The following EPS15 variants were observed in gnomAD, a reference collection of about 807,000 sequenced individuals.
The protein encoded by EPS15 is epidermal growth factor receptor pathway substrate 15.
Under a neutral mutation model 113.8 loss-of-function variants are expected in EPS15, and 72 were observed. The observed-to-expected ratio is 0.63, with a 90% CI of 0.52 to 0.77. The LOEUF (loss-of-function observed/expected upper bound fraction) is 0.77. Ranked by LOEUF, EPS15 falls within the 30% of genes least tolerant of loss-of-function variation. The pLI is 0.00. For synonymous variants in EPS15, 344 were observed against 363.4 expected (o/e 0.95, Z 0.61); for missense variants, 1,048 against 1,045.8 (o/e 1.00, Z -0.03).
chr1:51,485,141 C>T (rs1382638004), intron 1 of EPS15, among the ~76,000 whole-genome samples: 1 of 152,140 alleles, frequency 6.6e-6, no homozygotes, highest in Admixed American at 6.5e-5. Context: ...TCATGGAGCT[C>T]TAGTGACATC....
intron 2 of EPS15, among the ~76,000 whole-genome samples, chr1:51,476,330 A>G (rs1196126758): frequency 6.6e-6 from 1 of 152,200 alleles, no homozygotes; most frequent in Non-Finnish European, 1.5e-5. Flanking sequence ...CTTCCTATCC[A>G]TGAGTATGGA....
At chr1:51,516,089 C>T (rs72674578) in intron 1 of EPS15, among the ~76,000 whole-genome samples, 4,565 of 151,894 alleles carry the variant, frequency 0.03, 75 homozygotes, top group African/African-American at 0.05. Flanking sequence ...GGTTTTACTT[C>T]TCATTGACAA....
At chr1:51,360,066 C>T (rs930340764) in intron 24 of EPS15, among the ~76,000 whole-genome samples, 2 of 151,994 alleles carry the variant, frequency 1.3e-5, no homozygotes, top group East Asian at 1.9e-4. Context: ...AGATTACAGG[C>T]GTGAGCCACC....
At position 51,472,903 on chromosome 1, in the gene EPS15, C is replaced by G. The variant is rs939500721; in HGVS notation, c.121G>C (p.Ala41Pro). The G allele has an allele frequency of 3.7e-6, 6 of 1,613,544 alleles. No individual in the cohort carries two copies. The highest frequency in any genetic ancestry group is 5.1e-6 in the Non-Finnish European group (6 of 1,179,678). Residue 41 changes from alanine to proline, a missense_variant, in exon 3 of 25, where the codon GCT (alanine) becomes CCT (proline). Ala to Pro is a conservative substitution (Grantham distance 27). Transcript: ENST00000371733. ...TGRVLASDAA[A>P]FLKKSGLPDL... ...GGAAGCCCTGATTTTTTCAGGAAAG[C>G]AGCAGCATCAGAAGCCAACACCCTT...
chr1:51,403,903 C>T (rs1439629257), intron 16 of EPS15, among the ~76,000 whole-genome samples: 1 of 152,210 alleles, frequency 6.6e-6, no homozygotes, highest in Non-Finnish European at 1.5e-5. Flanking sequence ...TTTCCTGCCT[C>T]CAATACATGT....
At chr1:51,436,389 A>G (rs1402341697) in intron 12 of EPS15, among the ~76,000 whole-genome samples, 1 of 144,162 alleles carries the variant, frequency 6.9e-6, no homozygotes, top group Middle Eastern at 3.2e-3. Flanking sequence ...AAAGGCTAAA[A>G]CTAAGAAGGA....
At chr1:51,415,558 A>G (rs1234415841) in intron 13 of EPS15, among the ~76,000 whole-genome samples, 1 of 152,088 alleles carries the variant, frequency 6.6e-6, no homozygotes, top group Non-Finnish European at 1.5e-5. Flanking sequence ...GCACTTTGGG[A>G]GGCTGAGGCT....
At chr1:51,486,727 G>A (rs914021007) in intron 1 of EPS15, among the ~76,000 whole-genome samples, 1 of 151,800 alleles carries the variant, frequency 6.6e-6, no homozygotes, top group South Asian at 2.1e-4. Context: ...TACCCAGGCT[G>A]GAGTACAGTG....
intron 14 of EPS15, among the ~76,000 whole-genome samples, chr1:51,408,822 CAG>C (rs1450601804): frequency 7.9e-6 from 1 of 125,810 alleles, no homozygotes; most frequent in Non-Finnish European, 1.7e-5. Flanking sequence ...TTTTTTGAGA[CAG>C]AGTCTCGCTC....
chr1:51,414,886 T>C (rs1031383385), intron 13 of EPS15, among the ~76,000 whole-genome samples: 1 of 152,314 alleles, frequency 6.6e-6, no homozygotes, highest in South Asian at 2.1e-4. Flanking sequence ...TACATATTTG[T>C]AGAAAATACA....
rs1264417152 is a variant in EPS15 at position 51,432,444 on chromosome 1, A to C, written c.1040+7903T>G. Among the ~76,000 whole-genome samples, 6 of 152,152 alleles carry C rather than the reference A, an allele frequency of 3.9e-5. No homozygotes were observed. In the East Asian group the frequency reaches 7.7e-4, roughly 20 times the overall value. On this transcript the variant is annotated intron_variant, in intron 12 of 24. Transcript: ENST00000371733. ...TGGCCTCCCAAAGTCCTGGGATTAC[A>C]GATGTGAGCCACCATGCCCAGCCTA... is the stretch of plus-strand genomic sequence containing the variant.
chr1:51,431,384 C>G (rs551047538), intron 12 of EPS15, among the ~76,000 whole-genome samples: 2 of 151,974 alleles, frequency 1.3e-5, no homozygotes, highest in Non-Finnish European at 2.9e-5. Flanking sequence ...TATGACAAAG[C>G]ACACCCCCTT....
At chr1:51,486,441 A>G (rs1370402443) in intron 1 of EPS15, among the ~76,000 whole-genome samples, 1 of 151,666 alleles carries the variant, frequency 6.6e-6, no homozygotes, top group Non-Finnish European at 1.5e-5. Flanking sequence ...AAAAAAAAAA[A>G]AAAAAATTAG....
rs144261773 is a variant in EPS15, at chr1:51,503,081, A to G, written c.33+16118T>C. ...TTATCAATTTATTTGTTATAGCTTT[A>G]ACAAAAGTACAAGACTTACTATACT... is the stretch of plus-strand genomic sequence containing the variant. On this transcript the variant is annotated intron_variant, in intron 1 of 24. Transcript: ENST00000371733. Among the ~76,000 whole-genome samples, 52 of 152,258 alleles carry G rather than the reference A, an allele frequency of 3.4e-4. No individual in the cohort carries two copies. The East Asian group carries it at 9.6e-3, about 28-fold the overall frequency.
At chr1:51,471,094 G>A (rs1655204055) in intron 4 of EPS15, among the ~76,000 whole-genome samples, 1 of 152,154 alleles carries the variant, frequency 6.6e-6, no homozygotes, top group Non-Finnish European at 1.5e-5. Flanking sequence ...CGGGGGTGGG[G>A]AGGAAGCCTA....
At chr1:51,401,456 C>A (rs1648542206) in intron 18 of EPS15, among the ~76,000 whole-genome samples, 1 of 152,174 alleles carries the variant, frequency 6.6e-6, no homozygotes, top group African/African-American at 2.4e-5. Context: ...CTCTATCTCA[C>A]ATCATATACA....
chr1:51,515,625 T>A (rs1488029267), intron 1 of EPS15, among the ~76,000 whole-genome samples: 2 of 152,182 alleles, frequency 1.3e-5, no homozygotes, highest in Non-Finnish European at 2.9e-5. Flanking sequence ...AACACACAAT[T>A]GTATCATCCA....
At chr1:51,508,186 G>GAGAAAAGAAAAGAAAAGAAA (rs763482561) in intron 1 of EPS15, among the ~76,000 whole-genome samples, 1,893 of 81,032 alleles carry the variant, frequency 0.023, 61 homozygotes, top group Admixed American at 0.057. Flanking sequence ...GTCACAAAAA[G>GAGAAAAGAAAAGAAAAGAAA]AGAAAAGAAA....
intron 20 of EPS15, 52 bp downstream of exon 20, chr1:51,398,980 T>G: frequency 6.6e-7 from 1 of 1,519,900 alleles, no homozygotes; most frequent in Admixed American, 1.9e-5. Flanking sequence ...AGAAACTTGC[T>G]TAGGACACTT....
Sources: gnomAD v4.1 joint callset for allele counts (sites outside exome capture counted in the v4.1 genomes callset) on GRCh38, gnomAD v4.1.1 for gene constraint, MANE v1.5 for transcripts, NCBI Gene and HGNC (gene_info 2026-07-23, HGNC 2026-07-21) for gene names.